Variants in NOX1 observed in about 807,000 individuals in gnomAD.
NOX1 encodes NADPH oxidase 1, also known as NADH/NADPH mitogenic oxidase subunit P65-MOX.
A neutral mutation model predicts 42.5 loss-of-function variants in NOX1; 34 were observed. The observed-to-expected ratio is 0.80, with a 90% confidence interval of 0.61 to 1.07. The LOEUF is 1.07. Ranked by LOEUF, NOX1 falls within the 50% of genes least tolerant of loss-of-function variation. NOX1 has a pLI of 0.00. For missense variants in NOX1, 408 were observed against 427.0 expected, an observed-to-expected ratio of 0.96 and a Z score of 0.39; for synonymous variants, 143 against 152.5, an observed-to-expected ratio of 0.94 and a Z score of 0.46.
intron 7 of NOX1, among the ~76,000 whole-genome samples, chrX:100,858,449 T>G (rs2085181908): frequency 8.9e-6 from 1 of 111,889 alleles, no homozygotes; most frequent in African/African-American, 3.3e-5. Context: ...AAATAGTTTT[T>G]TTTTCTTATT....
chrX:100,853,938 T>A lies in NOX1; in HGVS notation c.805-2613A>T, dbSNP rs759665452. On this transcript the variant is annotated intron_variant, in intron 7 of 12. Transcript: ENST00000372966. ...CAGGTGGATCACCTGAGGTCAGGAG[T>A]TCGAGACCAGTCTGGTCAACGTGGC... is the stretch of plus-strand genomic sequence containing the variant. 5.5e-4 allele frequency among the ~76,000 whole-genome samples: 61 copies of A among 111,244 alleles called. 1 individual carries two copies. The highest frequency in any genetic ancestry group is 9.5e-4 in the Non-Finnish European group (50 of 52,849).
At chrX:100,872,023 A>C (rs2085278083) in intron 1 of NOX1, among the ~76,000 whole-genome samples, 1 of 112,100 alleles carries the variant, frequency 8.9e-6, no homozygotes, top group Non-Finnish European at 1.9e-5. Flanking sequence ...TAGTAATGCT[A>C]TGAGGCTTAC....
In NOX1 at chrX:100,874,311, T is replaced by TG; in HGVS notation, c.-173dup. 2.3e-6 allele frequency: 1 copy of TG among 441,369 alleles called. No homozygotes were observed. Among genetic ancestry groups the TG allele is most frequent in the Non-Finnish European group, 4.0e-6 (1 of 247,535 alleles). The allele number at this position is 441,369 out of a possible 1,213,427, so 36.4% of individuals were successfully genotyped here. A position where few individuals can be genotyped will look rare whatever the true frequency, so the allele number is the denominator to read the frequency against. ...TTCCTGGGAATGAATAAGTTTATTC[T>TG]GCCTTCCTTCTCTGGACAGAACTGT... On this transcript the variant is annotated 5_prime_UTR_variant, in exon 1 of 13. Transcript: ENST00000372966.
rs1363763731 is a variant in NOX1 at position 100,855,595 on chromosome X, C to T, written c.805-4270G>A. The T allele has an allele frequency of 6.7e-5, 66 of 983,835 alleles. No homozygotes were observed. In the African/African-American group the frequency reaches 7.6e-4, roughly 11 times the overall value. The allele number at this position is 983,835 out of a possible 1,213,427, so 81.1% of individuals were successfully genotyped here. On this transcript the variant is annotated intron_variant, in intron 7 of 12. Transcript: ENST00000372966. ...CTGTCCTGATTTCCACAACCCTGTC[C>T]ACCACTTCCATAGCCTCTGCTTCCT...
intron 2 of NOX1, among the ~76,000 whole-genome samples, chrX:100,869,325 CTT>C (rs1283718602): frequency 1.8e-5 from 2 of 110,487 alleles, no homozygotes; most frequent in African/African-American, 6.6e-5. Flanking sequence ...TTTGTATCCT[CTT>C]TTATTTCCTT....
At chrX:100,868,902 A>G (rs2085255576) in intron 2 of NOX1, among the ~76,000 whole-genome samples, 1 of 110,737 alleles carries the variant, frequency 9.0e-6, no homozygotes, top group Non-Finnish European at 1.9e-5. Context: ...TCCCAGCACC[A>G]TTTATTAAAT....
At chrX:100,867,501 G>A (rs1307260532) in intron 2 of NOX1, among the ~76,000 whole-genome samples, 1 of 112,104 alleles carries the variant, frequency 8.9e-6, no homozygotes, top group African/African-American at 3.2e-5. Context: ...CTCTTAAAAG[G>A]CTGAGAGCTC....
chrX:100,849,635 TG>T, intron 10 of NOX1, 136 bp downstream of exon 10: 1 of 693,085 alleles, frequency 1.4e-6, no homozygotes, highest in Non-Finnish European at 2.1e-6. Flanking sequence ...GTGGATGTCC[TG>T]GCCAAGAGAA....
At chrX:100,847,785 A>G (rs999830469) in intron 12 of NOX1, among the ~76,000 whole-genome samples, 5 of 107,366 alleles carry the variant, frequency 4.7e-5, no homozygotes, top group Non-Finnish European at 7.7e-5. Flanking sequence ...AAAAAAAAAA[A>G]GGTAATCAAG....
chrX:100,843,634 A>G lies in NOX1; in HGVS notation c.*318T>C, dbSNP rs1471370202. ...GGAATTGATAAAATCACCTGGGATT[A>G]GTTGTATAACTCTGAACCACCAAAC... On this transcript the variant is annotated 3_prime_UTR_variant, in exon 13 of 13. Coordinates refer to ENST00000372966, the MANE Select transcript of NOX1 (RefSeq NM_007052.5). 4.2e-6 allele frequency: 2 copies of G among 475,953 alleles called. No homozygotes were observed. The highest frequency in any genetic ancestry group is 2.5e-5 in the African/African-American group (1 of 39,507). The allele number at this position is 475,953 out of a possible 1,213,427, so 39.2% of individuals were successfully genotyped here.
intron 7 of NOX1, among the ~76,000 whole-genome samples, chrX:100,854,780 G>A (rs1241250036): frequency 2.7e-5 from 3 of 111,215 alleles, no homozygotes; most frequent in African/African-American, 9.8e-5. Context: ...GGTCACAACA[G>A]TAACTATCAA....
At chrX:100,863,016 T>G in intron 4 of NOX1, 143 bp downstream of exon 4, 1 of 610,353 alleles carries the variant, frequency 1.6e-6, no homozygotes, top group East Asian at 3.2e-5. Context: ...GAACTTAAGC[T>G]CCATGAAAAC....
intron 7 of NOX1, among the ~76,000 whole-genome samples, chrX:100,860,898 C>G (rs940750506): frequency 9.0e-6 from 1 of 110,953 alleles, no homozygotes; most frequent in Non-Finnish European, 1.9e-5. Flanking sequence ...ACCACCATGC[C>G]CAACTAATTT....
chrX:100,860,449 C>T (rs141712919), intron 7 of NOX1, among the ~76,000 whole-genome samples: 2,638 of 111,868 alleles, frequency 0.024, 30 homozygotes, highest in Non-Finnish European at 0.038. Flanking sequence ...TTGCCAGCAC[C>T]ATACATTAGC....
At chrX:100,865,276 TCA>T (rs2085230211) in intron 2 of NOX1, among the ~76,000 whole-genome samples, 1 of 112,685 alleles carries the variant, frequency 8.9e-6, no homozygotes, top group African/African-American at 3.2e-5. Flanking sequence ...CTTATTTGAA[TCA>T]CAGAGATTTC....
intron 7 of NOX1, among the ~76,000 whole-genome samples, chrX:100,853,716 A>G (rs949680487): frequency 9.2e-6 from 1 of 109,237 alleles, no homozygotes; most frequent in Admixed American, 9.7e-5. Context: ...TTGCATTTTC[A>G]GTAGAGATGG....
chrX:100,867,941 C>T (rs369310290), intron 2 of NOX1, among the ~76,000 whole-genome samples: 4 of 110,504 alleles, frequency 3.6e-5, no homozygotes, highest in East Asian at 5.7e-4. Flanking sequence ...ACTTATACCC[C>T]CTACATATGT....
intron 7 of NOX1, among the ~76,000 whole-genome samples, chrX:100,854,906 G>A (rs2085155624): frequency 9.2e-6 from 1 of 108,112 alleles, no homozygotes; most frequent in Admixed American, 1.0e-4. Flanking sequence ...CACTGTTGGG[G>A]AAATTTACCA....
intron 7 of NOX1, among the ~76,000 whole-genome samples, chrX:100,853,027 G>A (rs2085124968): frequency 9.0e-6 from 1 of 111,724 alleles, no homozygotes; most frequent in African/African-American, 3.2e-5. Context: ...TTCCCAGAGA[G>A]CAGTTGAGCA....
Sources: allele counts gnomAD v4.1 joint callset (sites outside exome capture counted in the v4.1 genomes callset), GRCh38; gene constraint gnomAD v4.1.1; transcripts MANE v1.5; gene names NCBI Gene and HGNC (gene_info 2026-07-23, HGNC 2026-07-21).